VWA5B1: variants seen among roughly 807,000 people sequenced by gnomAD.
VWA5B1 encodes von Willebrand factor A domain-containing protein 5B1.
A neutral mutation model predicts 118.2 loss-of-function variants in VWA5B1; 115 were observed. That is an observed-to-expected ratio of 0.97 (90% CI 0.84 to 1.14). The LOEUF (loss-of-function observed/expected upper bound fraction) is 1.14, where lower values mean the gene tolerates loss of function less well. Ranked by LOEUF, VWA5B1 falls within the 50% of genes most tolerant of loss-of-function variation. The probability of loss-of-function intolerance (pLI) is 0.00; values close to 1 mark genes in which losing one functional copy is unlikely to be tolerated. For missense variants in VWA5B1, 1,596 were observed against 1,603.8 expected, an observed-to-expected ratio of 1.00 and a Z score of 0.08; for synonymous variants, 682 against 658.4, an observed-to-expected ratio of 1.04 and a Z score of -0.55.
chr1:20,352,827 A>C (rs2090155922), intron 21 of VWA5B1, among the ~76,000 whole-genome samples: 2 of 152,236 alleles, frequency 1.3e-5, no homozygotes. Context: ...GCAACTGAGC[A>C]CTAGGCATGT....
intron 2 of VWA5B1, among the ~76,000 whole-genome samples, chr1:20,312,122 T>C (rs2088868233): frequency 6.6e-6 from 1 of 152,120 alleles, no homozygotes; most frequent in Non-Finnish European, 1.5e-5. Context: ...CTTAACACTG[T>C]AAATGTGATC....
At chr1:20,332,067 C>A (rs2089570308) in intron 11 of VWA5B1, among the ~76,000 whole-genome samples, 1 of 152,170 alleles carries the variant, frequency 6.6e-6, no homozygotes, top group African/African-American at 2.4e-5. Flanking sequence ...AAAACTGAGG[C>A]CCAGAGAGGT....
intron 1 of VWA5B1, among the ~76,000 whole-genome samples, chr1:20,295,355 G>A (rs187445688): frequency 5.3e-5 from 8 of 152,284 alleles, no homozygotes; most frequent in Admixed American, 4.6e-4. Context: ...AGCAAGTCAG[G>A]CTTAGTTAAG....
chr1:20,340,308 A>G (rs768054858), intron 14 of VWA5B1, among the ~76,000 whole-genome samples: 38 of 152,106 alleles, frequency 2.5e-4, no homozygotes, highest in Non-Finnish European at 3.8e-4. Context: ...GCTCTCTGTG[A>G]CCCAGTGTAG....
intron 1 of VWA5B1, among the ~76,000 whole-genome samples, chr1:20,305,592 G>A (rs2088626889): frequency 6.6e-6 from 1 of 152,136 alleles, no homozygotes; most frequent in African/African-American, 2.4e-5. Context: ...GAGAGTTTCA[G>A]GAGAGGCACA....
At chr1:20,317,954 C>T (rs866158490) in intron 5 of VWA5B1, among the ~76,000 whole-genome samples, 1 of 151,336 alleles carries the variant, frequency 6.6e-6, no homozygotes, top group East Asian at 2.0e-4. Context: ...TCCTAGAGGC[C>T]ACAGCTGTAA....
At chr1:20,306,787 G>A (rs4655191) in intron 1 of VWA5B1, among the ~76,000 whole-genome samples, 106,010 of 152,064 alleles carry the variant, frequency 0.7, 37,169 homozygotes, top group East Asian at 0.93. Context: ...TCTCTAAGCC[G>A]TATAGAACTC....
At chr1:20,313,096 A>G in intron 3 of VWA5B1, 108 bp downstream of exon 3, 1 of 1,402,208 alleles carries the variant, frequency 7.1e-7, no homozygotes, top group South Asian at 1.5e-5. Context: ...TATGAGGCAG[A>G]AAGAGCACTG....
At chr1:20,338,201 G>T in intron 14 of VWA5B1, 1 of 417,096 alleles carries the variant, frequency 2.4e-6, no homozygotes, top group Non-Finnish European at 4.8e-6. Flanking sequence ...ACTTATCCAA[G>T]GTCACACAGC....
At chr1:20,340,914 A>G (rs1164334635) in intron 14 of VWA5B1, among the ~76,000 whole-genome samples, 1 of 152,166 alleles carries the variant, frequency 6.6e-6, no homozygotes, top group Non-Finnish European at 1.5e-5. Flanking sequence ...TACTTTTCAA[A>G]TGTCTTTTTA....
Position 20,357,596 on chromosome 1 carries a change from G to A in VWA5B1, c.*3333G>A, listed in dbSNP as rs1474215399. On this transcript the variant is annotated 3_prime_UTR_variant, in exon 22 of 22. Coordinates refer to ENST00000289815, the MANE Select transcript of VWA5B1 (RefSeq NM_001039500.3). ...TGGGTGCCTACTGTATGCCAGGCATGGCATACTGGGGTACCACAGTGAACA... is the reference window on the plus strand; with the variant it reads ...TGGGTGCCTACTGTATGCCAGGCATAGCATACTGGGGTACCACAGTGAACA... Among the ~76,000 whole-genome samples the A allele has an allele frequency of 6.6e-6, 1 of 152,196 alleles. No individual in the cohort carries two copies. The highest frequency in any genetic ancestry group is 1.9e-4 in the East Asian group (1 of 5,192).
intron 7 of VWA5B1, among the ~76,000 whole-genome samples, chr1:20,319,713 C>T (rs547729694): frequency 6.6e-6 from 1 of 152,310 alleles, no homozygotes; most frequent in South Asian, 2.1e-4. Context: ...TGGCTCTATT[C>T]CCGCCTCCTG....
intron 1 of VWA5B1, among the ~76,000 whole-genome samples, chr1:20,309,248 C>G (rs369569649): frequency 1.6e-3 from 243 of 152,336 alleles, no homozygotes; most frequent in African/African-American, 5.6e-3. Flanking sequence ...TGTGTAGCGC[C>G]TATGCTCAAA....
At chr1:20,352,653 C>T (rs902711979) in intron 21 of VWA5B1, among the ~76,000 whole-genome samples, 2 of 152,152 alleles carry the variant, frequency 1.3e-5, no homozygotes, top group Non-Finnish European at 2.9e-5. Context: ...GTGGGCTTCT[C>T]TGAATTAAGG....
chr1:20,350,132 G>C, intron 18 of VWA5B1, 24 bp from the exon 19 acceptor site: 1 of 1,550,164 alleles, frequency 6.5e-7, no homozygotes, highest in Non-Finnish European at 8.7e-7. Context: ...GAGAGGTCCA[G>C]CCTCACTGGC....
At position 20,353,744 on chromosome 1, in the gene VWA5B1, C is replaced by A; in HGVS notation, c.3142-13C>A. ...ACATTTGAGGCCCACTGAAGGGCTT[C>A]CCCCACACACAGGTGTCTCTGCAGC... is the stretch of plus-strand genomic sequence containing the variant. On this transcript the variant is annotated splice_polypyrimidine_tract_variant and intron_variant, in intron 21 of 21. Transcript: ENST00000289815. 2 of 1,451,488 alleles carry A rather than the reference C, an allele frequency of 1.4e-6. No homozygotes were observed. The highest frequency in any genetic ancestry group is 1.8e-6 in the Non-Finnish European group (2 of 1,099,226). The allele number at this position is 1,451,488 out of a possible 1,614,324, so 89.9% of individuals were successfully genotyped here. A position where few individuals can be genotyped will look rare whatever the true frequency, so the allele number is the denominator to read the frequency against.
rs2090223118 is a variant in VWA5B1, at chr1:20,355,945, G to GGCAA, written c.*1684_*1685insAAGC. On this transcript the variant is annotated 3_prime_UTR_variant, in exon 22 of 22. Coordinates refer to ENST00000289815, the MANE Select transcript of VWA5B1 (RefSeq NM_001039500.3). ...CTCTGGGGAGGAACCCAGGCAGGCA[G>GGCAA]GCCTGGACACTGTGGCCATCACAAC... Among the ~76,000 whole-genome samples, 1 of 152,206 alleles carries GGCAA rather than the reference G, an allele frequency of 6.6e-6. No individual in the cohort carries two copies. Among genetic ancestry groups the GGCAA allele is most frequent in the African/African-American group, 2.4e-5 (1 of 41,466 alleles).
intron 7 of VWA5B1, among the ~76,000 whole-genome samples, chr1:20,319,757 C>T (rs1443662314): frequency 6.6e-6 from 1 of 152,210 alleles, no homozygotes; most frequent in Non-Finnish European, 1.5e-5. Context: ...TAGCAGGTGC[C>T]TAAGCCAGGA....
intron 10 of VWA5B1, among the ~76,000 whole-genome samples, chr1:20,330,634 G>A (rs919045784): frequency 2.6e-5 from 4 of 152,236 alleles, no homozygotes; most frequent in Admixed American, 6.5e-5. Context: ...CCACAGCCAA[G>A]GGAGAGGCTG....
Sources: allele counts gnomAD v4.1 joint callset (sites outside exome capture counted in the v4.1 genomes callset), GRCh38; gene constraint gnomAD v4.1.1; transcripts MANE v1.5; gene names NCBI Gene and HGNC (gene_info 2026-07-23, HGNC 2026-07-21).